Variants in PLCB4 observed in about 807,000 individuals in gnomAD.
The protein encoded by PLCB4 is 1-phosphatidylinositol 4,5-bisphosphate phosphodiesterase beta-4.
Under a neutral mutation model 178.8 loss-of-function variants are expected in PLCB4, and 77 were observed. That is an observed-to-expected ratio of 0.43 (90% CI 0.36 to 0.52). PLCB4 has a LOEUF of 0.52. PLCB4 is among the 20% of genes least tolerant of loss of function. The pLI, the probability that PLCB4 is intolerant of heterozygous loss-of-function variation, is 0.00. For synonymous variants in PLCB4, 496 were observed against 490.8 expected, an observed-to-expected ratio of 1.01 and a Z score of -0.14; for missense variants, 1,024 against 1,453.4, an observed-to-expected ratio of 0.70 and a Z score of 4.80.
At chr20:9,150,023 G>T (rs868129307) in intron 2 of PLCB4, among the ~76,000 whole-genome samples, 1 of 152,178 alleles carries the variant, frequency 6.6e-6, no homozygotes, top group South Asian at 2.1e-4. Flanking sequence ...CCAGCTGAGG[G>T]AATTTTCCAG....
intron 7 of PLCB4, among the ~76,000 whole-genome samples, chr20:9,348,793 T>C (rs746912639): frequency 1.3e-5 from 2 of 152,202 alleles, no homozygotes; most frequent in Non-Finnish European, 2.9e-5. Flanking sequence ...ATATTTGCTG[T>C]TGTTTTCGGG....
intron 3 of PLCB4, among the ~76,000 whole-genome samples, chr20:9,235,867 C>T (rs1436112579): frequency 6.6e-6 from 1 of 152,230 alleles, no homozygotes. Flanking sequence ...TCCGGTTTAG[C>T]TCAGCAGGAA....
intron 3 of PLCB4, among the ~76,000 whole-genome samples, chr20:9,231,194 G>A (rs2093927788): frequency 1.3e-5 from 2 of 152,134 alleles, no homozygotes; most frequent in Non-Finnish European, 2.9e-5. Context: ...AACTCTGGGT[G>A]ATAGTTTCCA....
At chr20:9,176,777 G>A (rs2147069239) in intron 2 of PLCB4, among the ~76,000 whole-genome samples, 1 of 152,094 alleles carries the variant, frequency 6.6e-6, no homozygotes, top group African/African-American at 2.4e-5. Context: ...GTCATTTGCT[G>A]GCCATTACTG....
intron 3 of PLCB4, among the ~76,000 whole-genome samples, chr20:9,221,634 G>A (rs963559932): frequency 6.6e-6 from 1 of 152,210 alleles, no homozygotes; most frequent in Non-Finnish European, 1.5e-5. Context: ...TCTGAGAATG[G>A]AGTCAGCTAC....
chr20:9,371,518 G>A (rs1421441884), intron 10 of PLCB4, among the ~76,000 whole-genome samples: 1 of 151,334 alleles, frequency 6.6e-6, no homozygotes, highest in Admixed American at 6.6e-5. Flanking sequence ...TGTTGCCTGG[G>A]CATTTTAACC....
At chr20:9,364,756 G>T (rs1201994238) in intron 8 of PLCB4, among the ~76,000 whole-genome samples, 1 of 152,164 alleles carries the variant, frequency 6.6e-6, no homozygotes, top group African/African-American at 2.4e-5. Flanking sequence ...GCACATTATT[G>T]ATTGGAAACA....
intron 19 of PLCB4, 135 bp from the exon 20 acceptor site, chr20:9,401,355 A>G (rs2039009625): frequency 1.6e-6 from 1 of 639,476 alleles, no homozygotes; most frequent in Non-Finnish European, 2.8e-6. Context: ...AAAATACTGC[A>G]TATATCAATG....
At chr20:9,138,982 C>T (rs2092436473) in intron 2 of PLCB4, among the ~76,000 whole-genome samples, 1 of 151,932 alleles carries the variant, frequency 6.6e-6, no homozygotes, top group South Asian at 2.1e-4. Flanking sequence ...AAATGGAAAC[C>T]CCTTAAAATG....
At chr20:9,385,543 G>C (rs2037536573) in intron 14 of PLCB4, among the ~76,000 whole-genome samples, 1 of 148,884 alleles carries the variant, frequency 6.7e-6, no homozygotes, top group Non-Finnish European at 1.5e-5. Context: ...ATCCCAGACG[G>C]GGTGGCGGCC....
chr20:9,165,655 A>T (rs2092957106), intron 2 of PLCB4, among the ~76,000 whole-genome samples: 1 of 152,188 alleles, frequency 6.6e-6, no homozygotes, highest in African/African-American at 2.4e-5. Context: ...AATTCTACTT[A>T]CATTAGTGTG....
At chr20:9,262,000 A>G (rs775404664) in intron 3 of PLCB4, among the ~76,000 whole-genome samples, 1 of 152,178 alleles carries the variant, frequency 6.6e-6, no homozygotes, top group Non-Finnish European at 1.5e-5. Flanking sequence ...TTTGGCATAA[A>G]CCAGCATTAT....
At chr20:9,093,638 G>A (rs900972556) in intron 1 of PLCB4, among the ~76,000 whole-genome samples, 2 of 76,408 alleles carry the variant, frequency 2.6e-5, no homozygotes, top group African/African-American at 1.0e-4. Flanking sequence ...TCTGTTCAGA[G>A]GGAATGTGAG....
chr20:9,407,887 A>C, intron 21 of PLCB4, 30 bp from the exon 22 acceptor site: 1 of 1,597,626 alleles, frequency 6.3e-7, no homozygotes, highest in Non-Finnish European at 8.5e-7. Context: ...GAAGTCATCA[A>C]CTTATATGTT....
chr20:9,094,559 A>C (rs1471443242), intron 1 of PLCB4, among the ~76,000 whole-genome samples: 2 of 152,214 alleles, frequency 1.3e-5, no homozygotes, highest in Non-Finnish European at 2.9e-5. Flanking sequence ...GAATATACAT[A>C]AAAGTACAGT....
At chr20:9,407,002 C>T (rs1023692767) in intron 21 of PLCB4, among the ~76,000 whole-genome samples, 2 of 152,124 alleles carry the variant, frequency 1.3e-5, no homozygotes, top group Non-Finnish European at 2.9e-5. Context: ...CAAAGTAATG[C>T]AGTTTCAATA....
At chr20:9,155,665 T>A (rs1333240568) in intron 2 of PLCB4, among the ~76,000 whole-genome samples, 1 of 152,130 alleles carries the variant, frequency 6.6e-6, no homozygotes, top group Admixed American at 6.6e-5. Flanking sequence ...TGCCTCAGTG[T>A]GTTGGGATCC....
rs148687746 is a variant in PLCB4 at position 9,466,968 on chromosome 20, A to G, written c.3249-1603A>G. The stretch of plus-strand genomic sequence containing the variant: ...AATTATAAACCATGCTACTATAAAG[A>G]CACATGCACACATGTGTTTATTGTG... On this transcript the variant is annotated intron_variant, in intron 35 of 39. Transcript: ENST00000378473. 5.9e-3 allele frequency among the ~76,000 whole-genome samples: 901 copies of G among 152,308 alleles called. 9 individuals carry two copies. The highest frequency in any genetic ancestry group is 0.021 in the African/African-American group (872 of 41,556).
intron 3 of PLCB4, among the ~76,000 whole-genome samples, chr20:9,282,425 G>T (rs1381589023): frequency 6.6e-6 from 1 of 151,966 alleles, no homozygotes; most frequent in Non-Finnish European, 1.5e-5. Flanking sequence ...GTCACAGATG[G>T]TTTGCTTTAA....
Sources: gnomAD v4.1 joint callset for allele counts (sites outside exome capture counted in the v4.1 genomes callset) on GRCh38, gnomAD v4.1.1 for gene constraint, MANE v1.5 for transcripts, NCBI Gene and HGNC (gene_info 2026-07-23, HGNC 2026-07-21) for gene names.